The following GLI2 variants were observed in gnomAD, a reference collection of about 807,000 sequenced individuals.
The protein encoded by GLI2 is GLI family zinc finger 2, also known as transcription activator GLI2.
A neutral mutation model predicts 78.9 loss-of-function variants in GLI2; 22 were observed. That is an observed-to-expected ratio of 0.28 (90% confidence interval 0.20 to 0.40). GLI2 has a LOEUF of 0.40. Ranked by LOEUF, GLI2 falls within the 10% of genes least tolerant of loss-of-function variation. The probability of loss-of-function intolerance (pLI) is 1.00; values close to 1 mark genes in which losing one functional copy is unlikely to be tolerated. For missense variants in GLI2, 2,097 were observed against 2,213.2 expected, an observed-to-expected ratio of 0.95 and a Z score of 1.05; for synonymous variants, 974 against 963.7, an observed-to-expected ratio of 1.01 and a Z score of -0.20.
Position 120,785,852 on chromosome 2 carries a change from C to T in GLI2, c.-30-11439C>T, listed in dbSNP as rs111469350. Among the ~76,000 whole-genome samples the T allele has an allele frequency of 7.4e-3, 1,123 of 152,312 alleles. 7 individuals are homozygous for T. Among genetic ancestry groups the T allele is most frequent in the Middle Eastern group, 0.014 (4 of 294 alleles). ...GCACTGCCAGTCTGGGCTGGGATAG[C>T]GATGTGGTTAACTGCAACCAACTGC... On this transcript the variant is annotated intron_variant, in intron 1 of 13. Coordinates refer to ENST00000361492, the MANE Select transcript of GLI2 (RefSeq NM_001374353.1).
In GLI2 at chr2:120,852,527, G is replaced by A. The variant is rs568546700; in HGVS notation, c.148+55059G>A. ...AGGACTGAGGGACGAGTGTGTTTCT[G>A]AGGGATGGCATCCAGGACCAGTGCC... is the stretch of plus-strand genomic sequence containing the variant. On this transcript the variant is annotated intron_variant, in intron 2 of 13. Coordinates refer to ENST00000361492, the MANE Select transcript of GLI2 (RefSeq NM_001374353.1). Among the ~76,000 whole-genome samples the A allele has an allele frequency of 2.6e-5, 4 of 152,326 alleles. No homozygotes were observed. The South Asian group carries it at 8.3e-4, about 32-fold the overall frequency.
intron 2 of GLI2, among the ~76,000 whole-genome samples, chr2:120,855,789 A>AG (rs1332796278): frequency 6.6e-6 from 1 of 152,098 alleles, no homozygotes; most frequent in Non-Finnish European, 1.5e-5. Context: ...GATGGGCCTG[A>AG]GGTCCCACAG....
chr2:120,814,294 G>C (rs1685393688), intron 2 of GLI2, among the ~76,000 whole-genome samples: 1 of 152,184 alleles, frequency 6.6e-6, no homozygotes, highest in Non-Finnish European at 1.5e-5. Context: ...TACAGAGATG[G>C]GGGTGGTAAG....
chr2:120,870,668 C>T (rs1290532244), intron 2 of GLI2, among the ~76,000 whole-genome samples: 3 of 152,144 alleles, frequency 2.0e-5, no homozygotes, highest in South Asian at 2.1e-4. Flanking sequence ...TTCAAGTGAC[C>T]GCGCCATGTG....
intron 1 of GLI2, among the ~76,000 whole-genome samples, chr2:120,781,662 C>T (rs879632701): frequency 6.6e-6 from 1 of 151,524 alleles, no homozygotes; most frequent in Non-Finnish European, 1.5e-5. Context: ...GCGGGTGGAT[C>T]ACCTGAGGTC....
rs143200280 is a variant in GLI2, at chr2:120,916,742, A to G, written c.149-10619A>G. On this transcript the variant is annotated intron_variant, in intron 2 of 13. Coordinates refer to ENST00000361492, the MANE Select transcript of GLI2 (RefSeq NM_001374353.1). ...TGTGACTTCCAACTGTGGATGGAGA[A>G]CTCTGCCCTGGGTGGTGAGCAGCTC... 3.3e-5 allele frequency among the ~76,000 whole-genome samples: 5 copies of G among 152,184 alleles called. No individual in the cohort carries two copies. In the East Asian group the frequency reaches 5.8e-4, roughly 18 times the overall value.
At chr2:120,796,904 CCTTT>C (rs1250657143) in intron 1 of GLI2, among the ~76,000 whole-genome samples, 14 of 152,112 alleles carry the variant, frequency 9.2e-5, no homozygotes, top group Non-Finnish European at 1.6e-4. Flanking sequence ...AAAATGAGGG[CCTTT>C]CTTTGAGGAC....
In GLI2 at chr2:120,781,549, T is replaced by C. The variant is rs190734549; in HGVS notation, c.-30-15742T>C. Reference sequence around the variant, plus strand: ...TATTTTCTCTGTATTTATTAATAAGTAGCATTTTAATGGAAAAAGCAGAAT... The same window carrying C: ...TATTTTCTCTGTATTTATTAATAAGCAGCATTTTAATGGAAAAAGCAGAAT... On this transcript the variant is annotated intron_variant, in intron 1 of 13. Transcript: ENST00000361492. Among the ~76,000 whole-genome samples, 5 of 152,336 alleles carry C rather than the reference T, an allele frequency of 3.3e-5. No individual in the cohort carries two copies. The East Asian group carries it at 7.7e-4, about 23-fold the overall frequency.
At chr2:120,785,959 G>A (rs186217498) in intron 1 of GLI2, among the ~76,000 whole-genome samples, 237 of 152,304 alleles carry the variant, frequency 1.6e-3, no homozygotes, top group African/African-American at 4.4e-3. Flanking sequence ...TGAGCTGCCC[G>A]GGGGCTGGAT....
chr2:120,951,351 C>T lies in GLI2; in HGVS notation c.363C>T (p.Tyr121=), dbSNP rs748827715. 11 of 1,597,898 alleles carry T rather than the reference C, an allele frequency of 6.9e-6. No homozygotes were observed. The highest frequency in any genetic ancestry group is 1.1e-5 in the South Asian group (1 of 90,742). ...GESPFNAPHP[Y]VNPHMEHYLR... ...CCCCCTTCAACGCCCCCCACCCGTA[C>T]GTGAACCCCCACATGGAGCACTACC... The change falls in exon 4 of 14, where the codon TAC becomes TAT. Residue 121 remains tyrosine (Y), a synonymous_variant. Coordinates refer to ENST00000361492, the MANE Select transcript of GLI2 (RefSeq NM_001374353.1).
chr2:120,990,926 AG>A lies in GLI2; in HGVS notation c.*252del. 1 of 524,608 alleles carries A rather than the reference AG, an allele frequency of 1.9e-6. No individual in the cohort carries two copies. The highest frequency in any genetic ancestry group is 2.7e-5 in the South Asian group (1 of 36,904). 32.5% of individuals were successfully genotyped at this position (524,608 alleles called of 1,614,324 possible). ...GAAGGAATGCAAAACTCATTTACAC[AG>A]TGCTTTCCAGCCTTTGGTGCTTACA... On this transcript the variant is annotated 3_prime_UTR_variant, in exon 14 of 14. Transcript: ENST00000361492.
chr2:120,863,343 C>T (rs557587077), intron 2 of GLI2, among the ~76,000 whole-genome samples: 1 of 152,242 alleles, frequency 6.6e-6, no homozygotes, highest in Non-Finnish European at 1.5e-5. Context: ...CTGACCCAGT[C>T]AGTGCTTGCC....
intron 2 of GLI2, among the ~76,000 whole-genome samples, chr2:120,809,755 G>C (rs1558808505): frequency 6.6e-6 from 1 of 152,118 alleles, no homozygotes; most frequent in Admixed American, 6.5e-5. Context: ...GGCCCCAGAA[G>C]CTCTAAAAAT....
intron 3 of GLI2, among the ~76,000 whole-genome samples, chr2:120,944,648 A>G (rs1319382879): frequency 6.6e-6 from 1 of 152,192 alleles, no homozygotes; most frequent in Non-Finnish European, 1.5e-5. Flanking sequence ...ATCTGGGTGG[A>G]CCATTAGACA....
intron 2 of GLI2, among the ~76,000 whole-genome samples, chr2:120,861,531 T>C (rs192134366): frequency 6.6e-6 from 1 of 152,198 alleles, no homozygotes; most frequent in Non-Finnish European, 1.5e-5. Flanking sequence ...ACTTGCTTTT[T>C]AAAACAAAAA....
intron 1 of GLI2, among the ~76,000 whole-genome samples, chr2:120,766,107 G>A (rs558353033): frequency 2.6e-5 from 4 of 152,276 alleles, no homozygotes; most frequent in Non-Finnish European, 5.9e-5. Context: ...GGGAGGGTTC[G>A]GAGGTTCACG....
chr2:120,893,902 G>A (rs915372666), intron 2 of GLI2, among the ~76,000 whole-genome samples: 4 of 152,152 alleles, frequency 2.6e-5, no homozygotes, highest in East Asian at 1.9e-4. Context: ...GCATAAACCC[G>A]AGTAATGACC....
At chr2:120,806,157 G>C (rs939881655) in intron 2 of GLI2, among the ~76,000 whole-genome samples, 19 of 152,206 alleles carry the variant, frequency 1.2e-4, no homozygotes, top group Admixed American at 2.6e-4. Flanking sequence ...TACTTGGGAG[G>C]GGGGGAAAGA....
chr2:120,800,754 C>T lies in GLI2; in HGVS notation c.148+3286C>T, dbSNP rs972730192. On this transcript the variant is annotated intron_variant, in intron 2 of 13. Transcript: ENST00000361492. The surrounding 1 kb of genome is among the most constrained non-coding windows in gnomAD (Gnocchi z 4.1). ...ATCTCCTGACCTCATGATCCGCCCG[C>T]CTCAGCCTCCCAAAGTGCCGGGATT... Among the ~76,000 whole-genome samples the T allele has an allele frequency of 6.6e-6, 1 of 152,140 alleles. No homozygotes were observed. Among genetic ancestry groups the T allele is most frequent in the African/African-American group, 2.4e-5 (1 of 41,420 alleles).
Sources: allele counts gnomAD v4.1 joint callset (sites outside exome capture counted in the v4.1 genomes callset), GRCh38; gene constraint gnomAD v4.1.1; non-coding constraint Gnocchi (gnomAD v3.1); transcripts MANE v1.5; gene names NCBI Gene and HGNC (gene_info 2026-07-23, HGNC 2026-07-21).